NTM: variants seen among roughly 807,000 people sequenced by gnomAD.
NTM encodes the protein neurotrimin, also known as IgLON family member 2.
In NTM, 13 loss-of-function variants were observed where a neutral mutation model predicts 42.1. The ratio of observed to expected loss-of-function variants is 0.31; its 90% CI spans 0.20 to 0.49. The LOEUF is 0.49. NTM is among the 20% of genes least tolerant of loss of function. The pLI is 0.99. For synonymous variants in NTM, 187 were observed against 179.2 expected, an observed-to-expected ratio of 1.04 and a Z score of -0.35; for missense variants, 373 against 452.8, an observed-to-expected ratio of 0.82 and a Z score of 1.60.
chr11:131,535,948 C>G (rs935422832), intron 1 of NTM: 7 of 152,212 alleles, frequency 4.6e-5, no homozygotes, highest in Non-Finnish European at 1.0e-4. Context: ...AATGTTTTGC[C>G]AGAAAGAATG....
rs915641831 is a variant in NTM at position 132,283,212 on chromosome 11, C to T, written c.527-24477C>T. Among the ~76,000 whole-genome samples the T allele has an allele frequency of 2.0e-5, 3 of 152,064 alleles. No homozygotes were observed. In the East Asian group the frequency reaches 5.8e-4, roughly 30 times the overall value. ...ATGTTGGCCAGGATGGTCTCAATCT[C>T]TTAACATCGTGATCCACCTGCCTCA... On this transcript the variant is annotated intron_variant, in intron 4 of 8. Coordinates refer to ENST00000683400, the MANE Select transcript of NTM (RefSeq NM_001352005.2).
chr11:131,540,238 C>A (rs2053026712), intron 1 of NTM, among the ~76,000 whole-genome samples: 1 of 140,438 alleles, frequency 7.1e-6, no homozygotes, highest in Non-Finnish European at 1.5e-5. Context: ...AATCTTGGCT[C>A]ACTGCAACAT....
intron 7 of NTM, among the ~76,000 whole-genome samples, chr11:132,319,691 G>A (rs1173715930): frequency 6.6e-6 from 1 of 152,248 alleles, no homozygotes; most frequent in Non-Finnish European, 1.5e-5. Flanking sequence ...TCCACCTCTG[G>A]GGGCAGAGCA....
chr11:131,861,684 G>A (rs1285891710), intron 1 of NTM, among the ~76,000 whole-genome samples: 2 of 152,062 alleles, frequency 1.3e-5, no homozygotes, highest in African/African-American at 2.4e-5. Context: ...AGAAGCACAT[G>A]CTGCCCCTGA....
At chr11:131,393,234 G>T (rs1039116250) in intron 1 of NTM, among the ~76,000 whole-genome samples, 3 of 152,166 alleles carry the variant, frequency 2.0e-5, no homozygotes, top group Non-Finnish European at 4.4e-5. Context: ...TGGATCCCCA[G>T]ACTGGGATGC....
intron 2 of NTM, among the ~76,000 whole-genome samples, chr11:132,044,214 C>T (rs2135825484): frequency 6.6e-6 from 1 of 152,076 alleles, no homozygotes; most frequent in Admixed American, 6.6e-5. Flanking sequence ...GGGTCTTATG[C>T]ACTACCTACC....
chr11:131,789,590 A>AAGGAGAAGAAGG (rs2090360858), intron 1 of NTM, among the ~76,000 whole-genome samples: 1 of 62,534 alleles, frequency 1.6e-5, no homozygotes, highest in African/African-American at 7.8e-5. Flanking sequence ...GAAGAAGAAG[A>AAGGAGAAGAAGG]AGAAGAAGAA....
intron 4 of NTM, among the ~76,000 whole-genome samples, chr11:132,216,978 C>G (rs1415808730): frequency 1.3e-5 from 2 of 152,198 alleles, no homozygotes; most frequent in African/African-American, 4.8e-5. Context: ...AGAAGAAACT[C>G]CTTTTCAAGT....
chr11:131,457,401 G>A (rs556966273), intron 1 of NTM, among the ~76,000 whole-genome samples: 2 of 152,014 alleles, frequency 1.3e-5, no homozygotes, highest in East Asian at 3.9e-4. Context: ...AAAGAGGGGT[G>A]GGGGAAGGGA....
chr11:131,602,315 G>A (rs1177433142), intron 1 of NTM, among the ~76,000 whole-genome samples: 2 of 152,160 alleles, frequency 1.3e-5, no homozygotes, highest in African/African-American at 4.8e-5. Context: ...AGTAAGGACA[G>A]GGGTTTCCAT....
intron 1 of NTM, among the ~76,000 whole-genome samples, chr11:131,572,314 C>G (rs930251058): frequency 6.6e-6 from 1 of 152,152 alleles, no homozygotes; most frequent in African/African-American, 2.4e-5. Flanking sequence ...CATCCCAGAA[C>G]CCAGGATCCT....
At chr11:132,122,723 A>G (rs2065045657) in intron 2 of NTM, among the ~76,000 whole-genome samples, 1 of 152,138 alleles carries the variant, frequency 6.6e-6, no homozygotes, top group African/African-American at 2.4e-5. Context: ...TATTTGGGAA[A>G]TCTCTCAGCC....
intron 2 of NTM, among the ~76,000 whole-genome samples, chr11:132,032,239 T>C (rs1251845938): frequency 6.6e-6 from 1 of 152,182 alleles, no homozygotes; most frequent in East Asian, 1.9e-4. Context: ...CTGGTCTTGT[T>C]TTCTTCCTGC....
rs370789433 is a variant in NTM, at chr11:132,062,231, AG to A, written c.168-84049del. Among the ~76,000 whole-genome samples the A allele has an allele frequency of 2.4e-4, 36 of 152,326 alleles. No homozygotes were observed. The East Asian group carries it at 6.2e-3, about 26-fold the overall frequency. On this transcript the variant is annotated intron_variant, in intron 2 of 8. Coordinates refer to ENST00000683400, the MANE Select transcript of NTM (RefSeq NM_001352005.2). Reference sequence around the variant, plus strand: ...AAGATGTTCCAGCTGAGTATGGAAGAGGAGTGGTGTGACATAGTAATTTCTG... The same window carrying A: ...AAGATGTTCCAGCTGAGTATGGAAGAGAGTGGTGTGACATAGTAATTTCTG...
intron 4 of NTM, among the ~76,000 whole-genome samples, chr11:132,214,488 T>G (rs1037626160): frequency 4.6e-5 from 7 of 152,176 alleles, no homozygotes; most frequent in Admixed American, 3.9e-4. Flanking sequence ...CCTGCCATTT[T>G]ATGCCTATAA....
In NTM at chr11:132,037,542, C is replaced by T. The variant is rs181163598; in HGVS notation, c.168-108740C>T. 2.9e-3 allele frequency among the ~76,000 whole-genome samples: 444 copies of T among 152,190 alleles called. 3 individuals carry two copies. Among genetic ancestry groups the T allele is most frequent in the African/African-American group, 8.1e-3 (336 of 41,496 alleles). On this transcript the variant is annotated intron_variant, in intron 2 of 8. Transcript: ENST00000683400. The stretch of plus-strand genomic sequence containing the variant: ...TGACTCCATGATTTAAGTTGACCTG[C>T]GAGAAGAGTCAGAAAGCACTGTGGT...
Position 131,795,965 on chromosome 11 carries a change from G to C in NTM, c.83-115599G>C, listed in dbSNP as rs1329645897. The C allele has an allele frequency of 5.1e-6, 5 of 983,684 alleles. No individual in the cohort carries two copies. The Admixed American group carries it at 3.1e-4, about 60-fold the overall frequency. The allele number at this position is 983,684 out of a possible 1,614,324, so 60.9% of individuals were successfully genotyped here. ...GGAAGTGGTTAGGATATTCCAGATG[G>C]GAGGAAGGGAAAAAGGTGTTTCAGA... On this transcript the variant is annotated intron_variant, in intron 1 of 8. Coordinates refer to ENST00000683400, the MANE Select transcript of NTM (RefSeq NM_001352005.2).
intron 2 of NTM, among the ~76,000 whole-genome samples, chr11:132,038,963 C>T (rs1233727519): frequency 6.6e-6 from 1 of 152,196 alleles, no homozygotes; most frequent in East Asian, 1.9e-4. Flanking sequence ...AAACCTTACT[C>T]TCCCCAGGCT....
chr11:131,523,782 C>CAAAAAAAA (rs3040114), intron 1 of NTM, among the ~76,000 whole-genome samples: 17 of 72,156 alleles, frequency 2.4e-4, no homozygotes, highest in South Asian at 5.5e-4. Context: ...GACTCCATCT[C>CAAAAAAAA]AAAAAAAAAA....
Sources: allele counts gnomAD v4.1 joint callset (sites outside exome capture counted in the v4.1 genomes callset), GRCh38; gene constraint gnomAD v4.1.1; transcripts MANE v1.5; gene names NCBI Gene and HGNC (gene_info 2026-07-23, HGNC 2026-07-21).